The following DCAF13 variants were observed in gnomAD, a reference collection of about 807,000 sequenced individuals.
DCAF13 encodes the protein DDB1 and CUL4 associated factor 13.
In DCAF13, 38 loss-of-function variants were observed where a neutral mutation model predicts 59.0. That is an observed-to-expected ratio of 0.64 (90% CI 0.50 to 0.84). The LOEUF (loss-of-function observed/expected upper bound fraction) is 0.84. DCAF13 is among the 40% of genes least tolerant of loss of function. The pLI is 0.00. For missense variants in DCAF13, 469 were observed against 558.4 expected (o/e 0.84, Z 1.61); for synonymous variants, 173 against 175.0 (o/e 0.99, Z 0.09).
chr8:103,433,966 G>A (rs1462541278), intron 7 of DCAF13, among the ~76,000 whole-genome samples: 2 of 151,918 alleles, frequency 1.3e-5, no homozygotes, highest in African/African-American at 4.8e-5. Flanking sequence ...AGCTATTTTA[G>A]CAAGGTACCG....
chr8:103,416,751 T>C (rs1018384375), intron 1 of DCAF13, among the ~76,000 whole-genome samples: 2 of 152,244 alleles, frequency 1.3e-5, no homozygotes, highest in Admixed American at 6.5e-5. Flanking sequence ...TGTTCGTGTA[T>C]GCACTGTTAA....
intron 8 of DCAF13, among the ~76,000 whole-genome samples, chr8:103,437,295 AC>A (rs1225112442): frequency 6.6e-6 from 1 of 152,204 alleles, no homozygotes; most frequent in East Asian, 1.9e-4. Context: ...TCTTGGCACC[AC>A]AACTTCCAAA....
At chr8:103,417,746 CAGAA>C (rs2130470240) in intron 1 of DCAF13, among the ~76,000 whole-genome samples, 1 of 151,740 alleles carries the variant, frequency 6.6e-6, no homozygotes, top group Admixed American at 6.6e-5. Context: ...ATGGGGCACA[CAGAA>C]AGTTTGAAGA....
At chr8:103,436,007 G>A (rs376483947) in intron 8 of DCAF13, among the ~76,000 whole-genome samples, 1 of 152,268 alleles carries the variant, frequency 6.6e-6, no homozygotes, top group Non-Finnish European at 1.5e-5. Context: ...GCATGTTACT[G>A]TGCTGAATAC....
At chr8:103,416,613 GC>G (rs1816617545) in intron 1 of DCAF13, among the ~76,000 whole-genome samples, 1 of 152,032 alleles carries the variant, frequency 6.6e-6, no homozygotes, top group African/African-American at 2.4e-5. Context: ...CATGAGCCCC[GC>G]CCCCTTCAGC....
At chr8:103,433,952 A>G (rs928700228) in intron 7 of DCAF13, among the ~76,000 whole-genome samples, 1 of 152,066 alleles carries the variant, frequency 6.6e-6, no homozygotes, top group Non-Finnish European at 1.5e-5. Flanking sequence ...AGAATGTTCT[A>G]ATAAGCTATT....
At chr8:103,441,671 C>T in intron 10 of DCAF13, 53 bp downstream of exon 10, 8 of 1,552,092 alleles carry the variant, frequency 5.2e-6, no homozygotes, top group Non-Finnish European at 7.0e-6. Context: ...CTGCTCTCAT[C>T]TCACCAAAAA....
chr8:103,425,639 A>G (rs879890480), intron 3 of DCAF13, among the ~76,000 whole-genome samples: 1 of 152,144 alleles, frequency 6.6e-6, no homozygotes, highest in Non-Finnish European at 1.5e-5. Flanking sequence ...CAGTATTTTC[A>G]TGTTTTTCAT....
intron 3 of DCAF13, among the ~76,000 whole-genome samples, chr8:103,425,792 A>G (rs1816784007): frequency 6.6e-6 from 1 of 152,174 alleles, no homozygotes; most frequent in South Asian, 2.1e-4. Context: ...TGCCATGTTT[A>G]TCACAATATG....
At chr8:103,435,425 A>G (rs975440) in intron 7 of DCAF13, among the ~76,000 whole-genome samples, 34,213 of 151,960 alleles carry the variant, frequency 0.23, 3,963 homozygotes, top group East Asian at 0.34. Flanking sequence ...ATGTGTTGGT[A>G]TATATATAAG....
At chr8:103,432,597 T>C in intron 6 of DCAF13, 62 bp from the exon 7 acceptor site, 1 of 1,063,322 alleles carries the variant, frequency 9.4e-7, no homozygotes, top group Non-Finnish European at 1.4e-6. Flanking sequence ...AATATTTGCT[T>C]AAATCAGTGG....
At chr8:103,430,367 G>C (rs1264707671) in intron 5 of DCAF13, 1 of 245,548 alleles carries the variant, frequency 4.1e-6, no homozygotes, top group Non-Finnish European at 7.8e-6. Context: ...ACTCCAGCCT[G>C]GGTGACAGAG....
At chr8:103,427,481 G>A (rs972892036) in intron 5 of DCAF13, 4 of 503,002 alleles carry the variant, frequency 8.0e-6, no homozygotes, top group African/African-American at 2.0e-5. Context: ...GGAGTGGTGT[G>A]TGCATTTGCC....
Position 103,427,211 on chromosome 8 carries a change from G to T in DCAF13, c.583G>T (p.Gly195Ter). Residue 195 changes from glycine (G) to a stop codon, truncating the protein, a stop_gained, in exon 5 of 11, where the codon GGA becomes TGA. Transcript: ENST00000612750. LOFTEE classifies it high-confidence loss of function. ...TAATCCTATATGTTCAATGACCTGG[G>T]GATTTGACAGTATAAGTAGTGTTAA... ...RTNPICSMTW[G>*]FDSISSVKFN... The T allele has an allele frequency of 6.2e-7, 1 of 1,613,496 alleles. No homozygotes were observed.
In DCAF13 at chr8:103,427,129, A is replaced by G. The variant is rs1816801007; in HGVS notation, c.501A>G (p.Lys167=). The G allele has an allele frequency of 1.9e-6, 3 of 1,613,240 alleles. No homozygotes were observed. Among genetic ancestry groups the G allele is most frequent in the Admixed American group, 1.7e-5 (1 of 59,932 alleles). The stretch of plus-strand genomic sequence containing the variant: ...ATACTGGGATTGATCATCACTGGAA[A>G]GAAGCTGTTTTTGCCACATGTGGAC... ...TVYTGIDHHW[K]EAVFATCGQQ... The change falls in exon 5 of 11, where the codon AAA becomes AAG. Residue 167 remains lysine, a synonymous_variant. Transcript: ENST00000612750.
chr8:103,420,206 A>C (rs574423410), intron 1 of DCAF13, 58 bp from the exon 2 acceptor site: 52 of 1,480,224 alleles, frequency 3.5e-5, no homozygotes, highest in Non-Finnish European at 4.8e-5. Context: ...TGATTAGCTG[A>C]GGAAGACTGC....
intron 3 of DCAF13, 120 bp downstream of exon 3, chr8:103,421,202 C>A: frequency 5.5e-6 from 4 of 725,010 alleles, no homozygotes; most frequent in Non-Finnish European, 7.3e-6. Context: ...TTTCACAATG[C>A]AAAATAGCTT....
intron 5 of DCAF13, chr8:103,430,034 A>G (rs1428534204): frequency 1.3e-5 from 2 of 152,224 alleles, no homozygotes; most frequent in Admixed American, 1.3e-4. Context: ...CTTAAGTTGA[A>G]GAGTAGGTAA....
intron 3 of DCAF13, among the ~76,000 whole-genome samples, chr8:103,425,180 A>G (rs894956844): frequency 6.6e-6 from 1 of 152,230 alleles, no homozygotes; most frequent in African/African-American, 2.4e-5. Flanking sequence ...GATTGCATCT[A>G]ATATATAAAT....
Sources: allele counts gnomAD v4.1 joint callset (sites outside exome capture counted in the v4.1 genomes callset), GRCh38; gene constraint gnomAD v4.1.1; transcripts MANE v1.5; gene names NCBI Gene and HGNC (gene_info 2026-07-23, HGNC 2026-07-21).